Variants in RIN3 observed in about 807,000 individuals in gnomAD.
The protein encoded by RIN3 is Ras and Rab interactor 3, also known as RAB5 interacting protein 3.
RIN3 carries 54 observed loss-of-function variants against 76.3 expected under a neutral mutation model. That is an observed-to-expected ratio of 0.71 (90% CI 0.57 to 0.89). The LOEUF (loss-of-function observed/expected upper bound fraction) is 0.89, where lower values mean the gene tolerates loss of function less well. Ranked by LOEUF, RIN3 falls within the 40% of genes least tolerant of loss-of-function variation. The pLI is 0.00. For missense variants in RIN3, 1,256 were observed against 1,322.1 expected, an observed-to-expected ratio of 0.95 and a Z score of 0.78; for synonymous variants, 576 against 564.0, an observed-to-expected ratio of 1.02 and a Z score of -0.30.
At chr14:92,664,034 T>C (rs1595495850) in intron 7 of RIN3, among the ~76,000 whole-genome samples, 1 of 152,162 alleles carries the variant, frequency 6.6e-6, no homozygotes, top group East Asian at 1.9e-4. Flanking sequence ...CAGGAACAGC[T>C]GCCTCCCAGC....
chr14:92,554,977 AT>A (rs1315575501), intron 1 of RIN3, among the ~76,000 whole-genome samples: 4 of 152,216 alleles, frequency 2.6e-5, no homozygotes, highest in Non-Finnish European at 4.4e-5. Context: ...GCTATTTTAT[AT>A]TCTTTTTATC....
chr14:92,549,959 TGGGAGTTCAGCTGGTGAGA>T (rs1289491228), intron 1 of RIN3, among the ~76,000 whole-genome samples: 5 of 152,030 alleles, frequency 3.3e-5, no homozygotes, highest in Admixed American at 2.0e-4. Flanking sequence ...CTTAGCGGAG[TGGGAGTTCAGCTGGTGAGA>T]GGGAGGGCGT....
In RIN3 at chr14:92,687,990, A is replaced by T. The variant is rs1206296605; in HGVS notation, c.2696A>T (p.Asp899Val). 16 of 1,566,568 alleles carry T rather than the reference A, an allele frequency of 1.0e-5. No individual in the cohort carries two copies. The highest frequency in any genetic ancestry group is 1.4e-5 in the Non-Finnish European group (16 of 1,157,392). Residue 899 changes from aspartate to valine, a missense_variant, in exon 10 of 10, where the codon GAC becomes GTC. Physicochemically the swap from Asp to Val is radical, Grantham distance 152 (BLOSUM62 -3). Transcript: ENST00000216487. ...GCGCGGACGCTGGCGTCGCGGGCGG[A>T]CACCCAGGCCCAGGCGCTGTGCGCG... ...QQARTLASRADTQAQALCAQC... is the reference protein window; with the variant it reads ...QQARTLASRAVTQAQALCAQC...
At chr14:92,628,183 T>C (rs1317345915) in intron 4 of RIN3, among the ~76,000 whole-genome samples, 2 of 152,162 alleles carry the variant, frequency 1.3e-5, no homozygotes, top group Non-Finnish European at 1.5e-5. Context: ...CCTTTTAGAA[T>C]AGAACAAAGA....
chr14:92,622,930 G>A (rs967009819), intron 4 of RIN3, among the ~76,000 whole-genome samples: 4 of 152,182 alleles, frequency 2.6e-5, no homozygotes, highest in Admixed American at 6.5e-5. Context: ...TTCGGATTTC[G>A]TGTTCGTTCA....
At chr14:92,661,750 CACACACACAA>C (rs1021671628) in intron 7 of RIN3, among the ~76,000 whole-genome samples, 13 of 140,324 alleles carry the variant, frequency 9.3e-5, no homozygotes, top group African/African-American at 1.3e-4. Context: ...CACACACACA[CACACACACAA>C]AAAATAGAAT....
Position 92,685,215 on chromosome 14 carries a change from T to C in RIN3, c.2631+65T>C. 1 of 1,485,360 alleles carries C rather than the reference T, an allele frequency of 6.7e-7. No homozygotes were observed. The highest frequency in any genetic ancestry group is 9.1e-7 in the Non-Finnish European group (1 of 1,104,602). The allele number at this position is 1,485,360 out of a possible 1,614,324, so 92.0% of individuals were successfully genotyped here. On this transcript the variant is annotated intron_variant, in intron 9 of 9. Transcript: ENST00000216487. This position sits in a 1 kb window ranked among gnomAD's most constrained non-coding sequence, Gnocchi z 4.7. ...CCCAGACACCATCCCTGCTGCCTGC[T>C]GGCTAAGGAGCCGTGACATCACCTG...
At chr14:92,632,410 C>T (rs1389873620) in intron 4 of RIN3, among the ~76,000 whole-genome samples, 1 of 152,186 alleles carries the variant, frequency 6.6e-6, no homozygotes, top group Non-Finnish European at 1.5e-5. Flanking sequence ...AAGGTATTAC[C>T]GCTTCAGTGA....
chr14:92,655,615 CAG>C (rs1372098953), intron 6 of RIN3, among the ~76,000 whole-genome samples: 2 of 152,196 alleles, frequency 1.3e-5, no homozygotes, highest in Admixed American at 1.3e-4. Flanking sequence ...CTAGTGGGAG[CAG>C]AGAGACTCAG....
At chr14:92,660,672 C>A (rs1029329030) in intron 7 of RIN3, among the ~76,000 whole-genome samples, 1 of 152,204 alleles carries the variant, frequency 6.6e-6, no homozygotes, top group Non-Finnish European at 1.5e-5. Flanking sequence ...CTTGTTTAGG[C>A]ACAAGAGACC....
chr14:92,628,387 G>A (rs890718538), intron 4 of RIN3, among the ~76,000 whole-genome samples: 4 of 152,158 alleles, frequency 2.6e-5, no homozygotes, highest in African/African-American at 7.2e-5. Context: ...CATAACCTCT[G>A]CCAAGAGCAT....
chr14:92,621,345 T>A (rs1886175908), intron 4 of RIN3, among the ~76,000 whole-genome samples: 1 of 152,222 alleles, frequency 6.6e-6, no homozygotes, highest in South Asian at 2.1e-4. Context: ...TTTAAGAGAT[T>A]TATTCTGAAC....
chr14:92,573,227 G>A, intron 2 of RIN3, among the ~76,000 whole-genome samples: 1 of 152,112 alleles, frequency 6.6e-6, no homozygotes, highest in East Asian at 1.9e-4. Flanking sequence ...ATCTCTCACT[G>A]AGGATCAGCT....
At chr14:92,557,991 G>A (rs1031118578) in intron 2 of RIN3, among the ~76,000 whole-genome samples, 1 of 152,208 alleles carries the variant, frequency 6.6e-6, no homozygotes, top group Non-Finnish European at 1.5e-5. Flanking sequence ...GAAGGTGCTG[G>A]CTCTCCAGAG....
At chr14:92,530,721 C>T (rs1310556887) in intron 1 of RIN3, among the ~76,000 whole-genome samples, 3 of 152,094 alleles carry the variant, frequency 2.0e-5, no homozygotes, top group Non-Finnish European at 4.4e-5. Context: ...CCTGCATCTC[C>T]GTGCTTTATC....
intron 8 of RIN3, among the ~76,000 whole-genome samples, chr14:92,682,214 G>A (rs1434282184): frequency 2.0e-5 from 3 of 152,126 alleles, no homozygotes; most frequent in African/African-American, 7.2e-5. Flanking sequence ...CTATGAAAGG[G>A]TGGGTGATCC....
chr14:92,536,442 T>C (rs961821483), intron 1 of RIN3, among the ~76,000 whole-genome samples: 1 of 152,060 alleles, frequency 6.6e-6, no homozygotes, highest in Admixed American at 6.6e-5. Flanking sequence ...GACTATTGAC[T>C]CAAAAAACTG....
intron 3 of RIN3, among the ~76,000 whole-genome samples, chr14:92,606,131 C>A (rs75070309): frequency 0.12 from 17,679 of 144,596 alleles, 1,397 homozygotes; most frequent in Non-Finnish European, 0.18. Context: ...CAGAGGGAAC[C>A]CCAGAGCCAG....
chr14:92,677,693 A>T (rs142321301), intron 8 of RIN3, among the ~76,000 whole-genome samples: 39 of 152,168 alleles, frequency 2.6e-4, no homozygotes, highest in Non-Finnish European at 5.4e-4. Context: ...ATTCAAGAGA[A>T]GCCAAGGTTT....
Sources: allele counts gnomAD v4.1 joint callset (sites outside exome capture counted in the v4.1 genomes callset), GRCh38; gene constraint gnomAD v4.1.1; non-coding constraint Gnocchi (gnomAD v3.1); transcripts MANE v1.5; gene names NCBI Gene and HGNC (gene_info 2026-07-23, HGNC 2026-07-21).